UBE2L3: variants seen among roughly 807,000 people sequenced by gnomAD.
UBE2L3 encodes the protein ubiquitin conjugating enzyme E2 L3.
Under a neutral mutation model 17.8 loss-of-function variants are expected in UBE2L3, and 1 was observed. The ratio of observed to expected loss-of-function variants is 0.06; its 90% CI spans 0.02 to 0.27. The LOEUF is 0.27. Among genes scored for constraint, UBE2L3 ranks in the 10% least tolerant of loss-of-function variants. The pLI, the probability that UBE2L3 is intolerant of heterozygous loss-of-function variation, is 1.00. For synonymous variants in UBE2L3, 44 were observed against 68.5 expected (o/e 0.64, Z 1.76); for missense variants, 40 against 192.6 (o/e 0.21, Z 4.69).
intron 1 of UBE2L3, among the ~76,000 whole-genome samples, chr22:21,557,440 G>A (rs1389781951): frequency 6.6e-6 from 1 of 152,218 alleles, no homozygotes; most frequent in Non-Finnish European, 1.5e-5. Context: ...AAATTAAACA[G>A]AAATACCATA....
chr22:21,581,096 C>T lies in UBE2L3; in HGVS notation c.28-11765C>T, dbSNP rs1480269708. Among the ~76,000 whole-genome samples, 6 of 150,496 alleles carry T rather than the reference C, an allele frequency of 4.0e-5. No individual in the cohort carries two copies. In the South Asian group the frequency reaches 6.3e-4, roughly 16 times the overall value. ...TTGAGATGGAGTCTCACCCTGTTGC[C>T]CAGGCTGGAGTGCAGTGGTGCAATC... On this transcript the variant is annotated intron_variant, in intron 1 of 3. Transcript: ENST00000342192.
At chr22:21,565,328 G>A (rs963185811), upstream of UBE2L3, among the ~76,000 whole-genome samples, 2 of 151,418 alleles carry the variant, frequency 1.3e-5, no homozygotes, top group African/African-American at 2.4e-5. Flanking sequence ...TCCTGACCTC[G>A]TGATCCACCC....
upstream of UBE2L3, among the ~76,000 whole-genome samples, chr22:21,565,302 C>T (rs1458753285): frequency 6.6e-6 from 1 of 151,600 alleles, no homozygotes; most frequent in Non-Finnish European, 1.5e-5. Context: ...CCGTGTTAGC[C>T]AGGATGGTCT....
chr22:21,567,581 G>C, upstream of UBE2L3: 2 of 1,449,750 alleles, frequency 1.4e-6, no homozygotes, highest in Non-Finnish European at 1.8e-6. Context: ...GTTCACTTGC[G>C]TTCCTCCACG....
At chr22:21,611,144 T>A in intron 3 of UBE2L3, 101 bp downstream of exon 3, 2 of 1,345,266 alleles carry the variant, frequency 1.5e-6, no homozygotes, top group Non-Finnish European at 2.0e-6. Context: ...AGAGAATCTT[T>A]CAGGTACACG....
At chr22:21,593,864 A>G (rs896239860) in intron 2 of UBE2L3, among the ~76,000 whole-genome samples, 3 of 147,244 alleles carry the variant, frequency 2.0e-5, no homozygotes, top group Non-Finnish European at 4.5e-5. Flanking sequence ...CTTCCTCCTC[A>G]CTCTTAAACA....
intron 3 of UBE2L3, among the ~76,000 whole-genome samples, chr22:21,611,686 G>C (rs1929489562): frequency 6.6e-6 from 1 of 152,208 alleles, no homozygotes. Flanking sequence ...AAGAATATTT[G>C]AGTCAGTATT....
chr22:21,621,403 T>C, intron 3 of UBE2L3, 112 bp from the exon 4 acceptor site: 1 of 1,338,948 alleles, frequency 7.5e-7, no homozygotes, highest in South Asian at 1.6e-5. Context: ...TAAAAGCACA[T>C]TAGCTGTAAA....
intron 1 of UBE2L3, among the ~76,000 whole-genome samples, chr22:21,582,165 C>A (rs1168747549): frequency 6.7e-6 from 1 of 149,986 alleles, no homozygotes; most frequent in African/African-American, 2.5e-5. Flanking sequence ...CAGTTCAGAA[C>A]AACGTCTGGG....
chr22:21,614,119 G>T (rs116372113), intron 3 of UBE2L3, among the ~76,000 whole-genome samples: 2,132 of 152,254 alleles, frequency 0.014, 41 homozygotes, highest in African/African-American at 0.048. Context: ...TTTCCCAAAT[G>T]GCAGCTCCTC....
chr22:21,606,011 G>A (rs1568985048), intron 2 of UBE2L3, among the ~76,000 whole-genome samples: 3 of 152,220 alleles, frequency 2.0e-5, no homozygotes, highest in Admixed American at 1.3e-4. Flanking sequence ...CAGGCATGTA[G>A]GACTTTATAG....
rs556671815 is a variant in UBE2L3 at position 21,622,675 on chromosome 22, T to G, written c.*1006T>G. The G allele has an allele frequency of 2.0e-5, 3 of 153,082 alleles. No homozygotes were observed. The East Asian group carries it at 5.6e-4, about 29-fold the overall frequency. The allele number at this position is 153,082 out of a possible 1,614,324, so 9.5% of individuals were successfully genotyped here. ...CTGCCACAGCCCTCCCTCGGCACAC[T>G]TTGACCCTTTGTAGGATTGGAATTA... On this transcript the variant is annotated 3_prime_UTR_variant, in exon 4 of 4. Coordinates refer to ENST00000342192, the MANE Select transcript of UBE2L3 (RefSeq NM_003347.4).
At chr22:21,609,743 C>T (rs1238805064) in intron 2 of UBE2L3, among the ~76,000 whole-genome samples, 2 of 151,234 alleles carry the variant, frequency 1.3e-5, no homozygotes, top group Admixed American at 6.6e-5. Context: ...AAACAAGTAA[C>T]GGCTGGGCAC....
intron 1 of UBE2L3, among the ~76,000 whole-genome samples, chr22:21,559,355 A>G (rs1258663595): frequency 2.7e-5 from 4 of 147,848 alleles, no homozygotes; most frequent in Admixed American, 2.0e-4. Flanking sequence ...CTCAAAATAA[A>G]TAAATAAATA....
chr22:21,607,187 AT>A (rs1488306231), intron 2 of UBE2L3, among the ~76,000 whole-genome samples: 1 of 151,950 alleles, frequency 6.6e-6, no homozygotes, highest in Non-Finnish European at 1.5e-5. Context: ...GCTTGAAGAT[AT>A]GGGGCTGGGG....
chr22:21,570,384 G>C (rs989919359), intron 1 of UBE2L3, among the ~76,000 whole-genome samples: 1 of 152,172 alleles, frequency 6.6e-6, no homozygotes, highest in African/African-American at 2.4e-5. Flanking sequence ...GGTTATTTAC[G>C]TAAGTCATCT....
intron 1 of UBE2L3, among the ~76,000 whole-genome samples, chr22:21,590,349 C>G (rs1928189261): frequency 6.6e-6 from 1 of 152,156 alleles, no homozygotes; most frequent in African/African-American, 2.4e-5. Flanking sequence ...AAGCGCCCAC[C>G]ACCACACCCG....
chr22:21,619,529 G>A (rs1468744455), intron 3 of UBE2L3, among the ~76,000 whole-genome samples: 1 of 152,178 alleles, frequency 6.6e-6, no homozygotes, highest in Non-Finnish European at 1.5e-5. Context: ...GTGGTCACAG[G>A]AGCCCTCTCT....
intron 1 of UBE2L3, among the ~76,000 whole-genome samples, chr22:21,568,833 C>G (rs1305775012): frequency 6.6e-6 from 1 of 152,166 alleles, no homozygotes; most frequent in Non-Finnish European, 1.5e-5. Flanking sequence ...AGACATTGAA[C>G]TTGGAGCCAC....
Sources: gnomAD v4.1 joint callset for allele counts (sites outside exome capture counted in the v4.1 genomes callset) on GRCh38, gnomAD v4.1.1 for gene constraint, MANE v1.5 for transcripts, NCBI Gene and HGNC (gene_info 2026-07-23, HGNC 2026-07-21) for gene names.